The following RASGRP2 variants were observed in gnomAD, a reference collection of about 807,000 sequenced individuals.
RASGRP2 encodes the protein RAS guanyl-releasing protein 2.
In RASGRP2, 44 loss-of-function variants were observed where a neutral mutation model predicts 71.0. The ratio of observed to expected loss-of-function variants is 0.62; its 90% CI spans 0.49 to 0.80. The LOEUF is 0.80. Ranked by LOEUF, RASGRP2 falls within the 30% of genes least tolerant of loss-of-function variation. The pLI is 0.00. For missense variants in RASGRP2, 663 were observed against 813.4 expected (o/e 0.82, Z 2.25); for synonymous variants, 350 against 330.7 (o/e 1.06, Z -0.63).
intron 14 of RASGRP2, 124 bp downstream of exon 14, chr11:64,729,638 T>C: frequency 8.1e-7 from 1 of 1,238,510 alleles, no homozygotes; most frequent in South Asian, 1.2e-5. Context: ...TGCCCGGCCA[T>C]GCGCCTCTGA....
chr11:64,728,051 T>C (rs2057630685), intron 15 of RASGRP2, among the ~76,000 whole-genome samples: 1 of 152,192 alleles, frequency 6.6e-6, no homozygotes, highest in African/African-American at 2.4e-5. Flanking sequence ...ACAGTTGTGA[T>C]CAACTACCTT....
chr11:64,739,416 T>C lies in RASGRP2; in HGVS notation c.757A>G (p.Ser253Gly), dbSNP rs2058048744. 1 of 1,614,066 alleles carries C rather than the reference T, an allele frequency of 6.2e-7. No homozygotes were observed. Among genetic ancestry groups the C allele is most frequent in the Non-Finnish European group, 8.5e-7 (1 of 1,180,046 alleles). Residue 253 changes from serine (S) to glycine (G), a missense_variant, in exon 8 of 17, where the codon AGC becomes GGC. Ser to Gly is a moderately conservative substitution (Grantham distance 56). Coordinates refer to ENST00000394432, the MANE Select transcript of RASGRP2 (RefSeq NM_001098671.2). The surrounding 1 kb of genome is among the most constrained non-coding windows in gnomAD (Gnocchi z 4.2). ...LMAVVGGLSHSSISRLKETHS... is the reference protein window; with the variant it reads ...LMAVVGGLSHGSISRLKETHS... ...GTCTCCTTGAGGCGGGAGATGGAGC[T>C]GTGGCTCAGGCCCCCGACCACTGCC...
rs775653915 is a variant in RASGRP2, at chr11:64,735,976, G to C, written c.1100C>G (p.Ser367Cys). ...ATCCTCCGTCTGATACTGATCCAGA[G>C]ACACCTGGGACACACAGATCTGATC... ...NPDLLSLLTV[S>C]LDQYQTEDEL... is the part of the protein sequence containing the mutation. Residue 367 changes from serine (S) to cysteine (C), a missense_variant, in exon 10 of 17, where the codon TCT becomes TGT. Coordinates refer to ENST00000394432, the MANE Select transcript of RASGRP2 (RefSeq NM_001098671.2). This position sits in a 1 kb window ranked among gnomAD's most constrained non-coding sequence, Gnocchi z 4.2. The C allele has an allele frequency of 3.1e-6, 5 of 1,613,738 alleles. No individual in the cohort carries two copies. The highest frequency in any genetic ancestry group is 4.2e-6 in the Non-Finnish European group (5 of 1,179,836).
Position 64,742,409 on chromosome 11 carries a change from C to A in RASGRP2, c.74-297G>T. On this transcript the variant is annotated intron_variant, in intron 2 of 16. Transcript: ENST00000394432. This position sits in a 1 kb window ranked among gnomAD's most constrained non-coding sequence, Gnocchi z 4.7. ...TCCCCGGGGTCAAGAATCCAGAGGT[C>A]ATTTCCTGAGCGCTTGGGGGGAAGG... 1 of 571,530 alleles carries A rather than the reference C, an allele frequency of 1.7e-6. No homozygotes were observed. The highest frequency in any genetic ancestry group is 3.1e-6 in the Non-Finnish European group (1 of 318,574). The allele number at this position is 571,530 out of a possible 1,614,324, so 35.4% of individuals were successfully genotyped here.
At position 64,739,372 on chromosome 11, in the gene RASGRP2, A is replaced by C. The variant is rs754141015; in HGVS notation, c.801T>G (p.Pro267=). 4 of 1,613,788 alleles carry C rather than the reference A, an allele frequency of 2.5e-6. No homozygotes were observed. Residue 267 remains proline, a synonymous_variant, in exon 8 of 17, where the codon CCT becomes CCG. Transcript: ENST00000394432. This position sits in a 1 kb window ranked among gnomAD's most constrained non-coding sequence, Gnocchi z 4.2. ...CAGTCCCAGGCACCTTGATGGTCTC[A>C]GGGCTAACGTGGCTGTGGGTCTCCT... ...RLKETHSHVS[P]ETIKLWEGLT...
At chr11:64,733,842 CCTTTTTTTTT>C (rs1400109554) in intron 12 of RASGRP2, among the ~76,000 whole-genome samples, 1 of 109,462 alleles carries the variant, frequency 9.1e-6, no homozygotes, top group African/African-American at 3.0e-5. Context: ...TTCATTTCTT[CCTTTTTTTTT>C]CTTTTTTTTT....
Position 64,735,299 on chromosome 11 carries a change from C to T in RASGRP2, c.1297-72G>A. On this transcript the variant is annotated intron_variant, in intron 11 of 16. Transcript: ENST00000394432. This position sits in a 1 kb window ranked among gnomAD's most constrained non-coding sequence, Gnocchi z 4.2. ...AGGGGACATCAGGTCCTGTCCCTTC[C>T]CACGTTCCCAGTCCATTTGATGAGG... 1 of 1,348,740 alleles carries T rather than the reference C, an allele frequency of 7.4e-7. No individual in the cohort carries two copies. Among genetic ancestry groups the T allele is most frequent in the South Asian group, 1.2e-5 (1 of 84,610 alleles). 83.5% of individuals were successfully genotyped at this position (1,348,740 alleles called of 1,614,324 possible).
Position 64,735,013 on chromosome 11 carries a change from T to TCTG in RASGRP2, c.1412+96_1412+98dup. Reference sequence around the variant, plus strand: ...CTGGCAGCTTCCCAGGCCAAGATCATCTGGCTCAGTGACCTCATCTTGCAC... The same window carrying TCTG: ...CTGGCAGCTTCCCAGGCCAAGATCATCTGCTGGCTCAGTGACCTCATCTTGCAC... On this transcript the variant is annotated intron_variant, in intron 12 of 16. Coordinates refer to ENST00000394432, the MANE Select transcript of RASGRP2 (RefSeq NM_001098671.2). The surrounding 1 kb of genome is among the most constrained non-coding windows in gnomAD (Gnocchi z 4.2). 3 of 973,570 alleles carry TCTG rather than the reference T, an allele frequency of 3.1e-6. No homozygotes were observed. Among genetic ancestry groups the TCTG allele is most frequent in the Non-Finnish European group, 5.0e-6 (3 of 603,406 alleles). 60.3% of individuals were successfully genotyped at this position (973,570 alleles called of 1,614,324 possible). A position where few individuals can be genotyped will look rare whatever the true frequency, so the allele number is the denominator to read the frequency against.
chr11:64,729,398 G>A (rs1327166552), intron 14 of RASGRP2, among the ~76,000 whole-genome samples: 8 of 151,438 alleles, frequency 5.3e-5, no homozygotes, highest in African/African-American at 9.7e-5. Flanking sequence ...GTGCAGTGGC[G>A]TGATCTCGGC....
At chr11:64,732,429 C>A (rs955329740) in intron 12 of RASGRP2, among the ~76,000 whole-genome samples, 1 of 152,050 alleles carries the variant, frequency 6.6e-6, no homozygotes, top group African/African-American at 2.4e-5. Context: ...GAGGCCGAGG[C>A]GGGCGGATCA....
intron 12 of RASGRP2, among the ~76,000 whole-genome samples, chr11:64,734,681 C>A (rs904914456): frequency 1.3e-5 from 2 of 152,132 alleles, no homozygotes; most frequent in Admixed American, 1.3e-4. Flanking sequence ...GTTTAACCTA[C>A]TTCAGAGAAC....
rs746646945 is a variant in RASGRP2 at position 64,735,137 on chromosome 11, C to A, written c.1387G>T (p.Ala463Ser). The change falls in exon 12 of 17, where the codon GCC (alanine) becomes TCC (serine). Residue 463 changes from alanine to serine, a missense_variant. Ala to Ser is a moderately conservative substitution (Grantham distance 99). Transcript: ENST00000394432. This position sits in a 1 kb window ranked among gnomAD's most constrained non-coding sequence, Gnocchi z 4.2. ...IIRGNFPYLS[A>S]FGDLDQNQDG... ...TGGTTCTGGTCGAGGTCCCCAAAGG[C>A]GCTGAGGTAAGGGAAGTTCCCACGG... The A allele has an allele frequency of 6.2e-7, 1 of 1,614,140 alleles. No individual in the cohort carries two copies. The highest frequency in any genetic ancestry group is 8.5e-7 in the Non-Finnish European group (1 of 1,179,982).
At chr11:64,727,843 C>T (rs1015765504) in intron 15 of RASGRP2, among the ~76,000 whole-genome samples, 1 of 152,096 alleles carries the variant, frequency 6.6e-6, no homozygotes, top group African/African-American at 2.4e-5. Flanking sequence ...GGCTCTTTTT[C>T]TATGTTTTTG....
rs1199280575 is a variant in RASGRP2, at chr11:64,742,053, A to G, written c.133T>C (p.Trp45Arg). 6.2e-7 allele frequency: 1 copy of G among 1,612,052 alleles called. No individual in the cohort carries two copies. The highest frequency in any genetic ancestry group is 2.2e-5 in the East Asian group (1 of 44,814). Residue 45 changes from tryptophan to arginine, a missense_variant, in exon 3 of 17, where the codon TGG becomes CGG. Transcript: ENST00000394432. The surrounding 1 kb of genome is among the most constrained non-coding windows in gnomAD (Gnocchi z 4.7). ...LVRMFLMMHPWYIPSSQLAAK... is the reference protein window; with the variant it reads ...LVRMFLMMHPRYIPSSQLAAK... Reference sequence around the variant, plus strand: ...GCCAGCTGAGAGGAGGGGATGTACCAGGGGTGCATCATGAGGAACATGCGC... The same window carrying G: ...GCCAGCTGAGAGGAGGGGATGTACCGGGGGTGCATCATGAGGAACATGCGC...
At chr11:64,729,641 G>T in intron 14 of RASGRP2, 121 bp downstream of exon 14, 1 of 1,261,470 alleles carries the variant, frequency 7.9e-7, no homozygotes, top group Non-Finnish European at 1.2e-6. Flanking sequence ...CCGGCCATGC[G>T]CCTCTGATTT....
At chr11:64,738,242 A>G (rs1295612330) in intron 8 of RASGRP2, among the ~76,000 whole-genome samples, 3 of 152,140 alleles carry the variant, frequency 2.0e-5, no homozygotes, top group Admixed American at 6.6e-5. Flanking sequence ...AAAGCCCCAC[A>G]TTGTTTTGGA....
chr11:64,731,835 G>A (rs939760121), intron 12 of RASGRP2, among the ~76,000 whole-genome samples: 1 of 152,226 alleles, frequency 6.6e-6, no homozygotes, highest in African/African-American at 2.4e-5. Flanking sequence ...CGCTGCTGAT[G>A]GGGGTGCAAA....
intron 12 of RASGRP2, among the ~76,000 whole-genome samples, chr11:64,732,205 G>A (rs1182262405): frequency 4.6e-5 from 7 of 152,240 alleles, no homozygotes; most frequent in African/African-American, 1.4e-4. Context: ...AAAGCAAGGC[G>A]TGAAGTTCTG....
chr11:64,731,139 G>A (rs1246261758), intron 12 of RASGRP2, among the ~76,000 whole-genome samples: 4 of 152,288 alleles, frequency 2.6e-5, no homozygotes, highest in African/African-American at 7.2e-5. Context: ...GGTGGATCAC[G>A]AGGTCAGGAG....
Sources: allele counts gnomAD v4.1 joint callset (sites outside exome capture counted in the v4.1 genomes callset), GRCh38; gene constraint gnomAD v4.1.1; non-coding constraint Gnocchi (gnomAD v3.1); transcripts MANE v1.5; gene names NCBI Gene and HGNC (gene_info 2026-07-23, HGNC 2026-07-21).